ARID2: variants seen among roughly 807,000 people sequenced by gnomAD.
ARID2 encodes AT-rich interaction domain 2.
A neutral mutation model predicts 184.6 loss-of-function variants in ARID2; 32 were observed. The ratio of observed to expected loss-of-function variants is 0.17; its 90% CI spans 0.13 to 0.23. ARID2 has a LOEUF of 0.23. Among genes scored for constraint, ARID2 ranks in the 10% least tolerant of loss-of-function variants. ARID2 has a pLI of 1.00. For synonymous variants in ARID2, 836 were observed against 772.6 expected, an observed-to-expected ratio of 1.08 and a Z score of -1.36; for missense variants, 1,696 against 2,197.6, an observed-to-expected ratio of 0.77 and a Z score of 4.56.
intron 3 of ARID2, among the ~76,000 whole-genome samples, chr12:45,788,348 A>G (rs1470875898): frequency 6.6e-6 from 1 of 152,146 alleles, no homozygotes; most frequent in East Asian, 1.9e-4. Context: ...TGAGGATTAG[A>G]TAAATTATCA....
intron 20 of ARID2, among the ~76,000 whole-genome samples, chr12:45,897,684 G>A (rs913252894): frequency 1.3e-5 from 2 of 152,024 alleles, no homozygotes; most frequent in Non-Finnish European, 2.9e-5. Flanking sequence ...ACTCATAAGA[G>A]ACAAAAATTG....
chr12:45,882,803 G>C (rs1944126000), intron 16 of ARID2, among the ~76,000 whole-genome samples: 1 of 152,170 alleles, frequency 6.6e-6, no homozygotes, highest in African/African-American at 2.4e-5. Context: ...AACCAGAAGA[G>C]ATCTTCAGAG....
intron 4 of ARID2, among the ~76,000 whole-genome samples, chr12:45,817,105 C>T (rs1010515887): frequency 2.0e-5 from 3 of 152,168 alleles, no homozygotes; most frequent in Non-Finnish European, 2.9e-5. Context: ...GCATGTAATG[C>T]AGCACTTTGG....
At chr12:45,779,960 A>T (rs1443487348) in intron 3 of ARID2, among the ~76,000 whole-genome samples, 4 of 152,270 alleles carry the variant, frequency 2.6e-5, no homozygotes, top group Non-Finnish European at 5.9e-5. Flanking sequence ...ATATTGGATA[A>T]ATTGTCTAAC....
chr12:45,808,737 G>A (rs1293380038), intron 3 of ARID2, among the ~76,000 whole-genome samples: 2 of 92,452 alleles, frequency 2.2e-5, no homozygotes, highest in Non-Finnish European at 5.0e-5. Flanking sequence ...GTTTGCGTGC[G>A]TGTGTGTGTG....
chr12:45,897,050 C>G (rs899845708), intron 20 of ARID2, among the ~76,000 whole-genome samples: 2 of 152,114 alleles, frequency 1.3e-5, no homozygotes, highest in Admixed American at 1.3e-4. Flanking sequence ...CTAACATAAT[C>G]AAAACAGCGT....
chr12:45,760,806 GCTGGATC>G (rs1565585917), intron 3 of ARID2, among the ~76,000 whole-genome samples: 1 of 150,794 alleles, frequency 6.6e-6, no homozygotes, highest in Non-Finnish European at 1.5e-5. Flanking sequence ...TTTCAGCTTT[GCTGGATC>G]CTGGTTTTAT....
chr12:45,859,226 T>C (rs994197304), intron 15 of ARID2, among the ~76,000 whole-genome samples: 1 of 152,232 alleles, frequency 6.6e-6, no homozygotes, highest in African/African-American at 2.4e-5. Flanking sequence ...ACTGTACCTT[T>C]TCTATGTTTT....
intron 3 of ARID2, among the ~76,000 whole-genome samples, chr12:45,742,233 C>T (rs549366779): frequency 3.7e-4 from 57 of 152,288 alleles, no homozygotes; most frequent in Admixed American, 3.2e-3. Flanking sequence ...GCATATATGA[C>T]TGTGTTTTCA....
At chr12:45,811,188 G>A (rs1483888195) in intron 3 of ARID2, among the ~76,000 whole-genome samples, 1 of 150,000 alleles carries the variant, frequency 6.7e-6, no homozygotes, top group African/African-American at 2.5e-5. Context: ...CAGCCTGGGC[G>A]ACAGAGCGAG....
chr12:45,731,168 A>AT (rs1460643363), intron 2 of ARID2, 49 bp from the exon 3 acceptor site: 13 of 1,354,478 alleles, frequency 9.6e-6, no homozygotes, highest in Non-Finnish European at 1.4e-5. Context: ...TTAGGTTAAG[A>AT]TTTTCTTAGA....
intron 3 of ARID2, among the ~76,000 whole-genome samples, chr12:45,731,524 A>G (rs925850386): frequency 4.6e-5 from 7 of 152,206 alleles, no homozygotes; most frequent in African/African-American, 1.7e-4. Flanking sequence ...CATTTTTCAT[A>G]CAAAATCATT....
At chr12:45,875,575 T>A (rs541414390) in intron 16 of ARID2, among the ~76,000 whole-genome samples, 3 of 152,382 alleles carry the variant, frequency 2.0e-5, no homozygotes, top group South Asian at 2.1e-4. Context: ...AGATATCATC[T>A]TCTTCCAGTA....
chr12:45,839,433 T>C lies in ARID2; in HGVS notation c.1435T>C (p.Ser479Pro), dbSNP rs763846105. The C allele has an allele frequency of 2.5e-6, 4 of 1,614,042 alleles. No homozygotes were observed. In the African/African-American group the frequency reaches 4.0e-5, roughly 16 times the overall value. The change falls in exon 11 of 21, where the codon TCT becomes CCT. Residue 479 changes from serine to proline, a missense_variant. This residue lies in a region of ARID2 where 713 missense variants were observed against 824.4 expected (regional missense o/e 0.86). Coordinates refer to ENST00000334344, the MANE Select transcript of ARID2 (RefSeq NM_152641.4). ...CCCAAGTTCCAGTCATCAAATGTTA[T>C]CTGAAATTAGGCCACAAGCTATAGA... ...EHPSSSHQMLSEIRPQAIEQV... is the reference protein window; with the variant it reads ...EHPSSSHQMLPEIRPQAIEQV...
intron 3 of ARID2, among the ~76,000 whole-genome samples, chr12:45,754,152 T>C (rs1021095450): frequency 2.6e-5 from 4 of 152,198 alleles, no homozygotes; most frequent in Non-Finnish European, 4.4e-5. Context: ...TTGAATCTTA[T>C]AGAAGCATTT....
intron 3 of ARID2, among the ~76,000 whole-genome samples, chr12:45,736,289 G>A (rs966285096): frequency 3.3e-5 from 5 of 151,860 alleles, no homozygotes; most frequent in African/African-American, 4.8e-5. Context: ...CTCGGGAGGC[G>A]GAGCTTGCAG....
intron 3 of ARID2, among the ~76,000 whole-genome samples, chr12:45,795,715 C>T (rs1423627233): frequency 1.3e-5 from 2 of 152,096 alleles, no homozygotes. Flanking sequence ...GGATTATAGG[C>T]GTGAGCCCCC....
chr12:45,898,942 G>A (rs1254060452), intron 20 of ARID2, among the ~76,000 whole-genome samples: 1 of 151,686 alleles, frequency 6.6e-6, no homozygotes, highest in Non-Finnish European at 1.5e-5. Context: ...TATAGTGTGT[G>A]AATTATACCT....
At chr12:45,813,648 C>T (rs1942753954) in intron 4 of ARID2, among the ~76,000 whole-genome samples, 2 of 151,904 alleles carry the variant, frequency 1.3e-5, no homozygotes, top group Admixed American at 6.6e-5. Flanking sequence ...AAAAGCTGTT[C>T]TAAAATATTT....
Sources: gnomAD v4.1 joint callset for allele counts (sites outside exome capture counted in the v4.1 genomes callset) on GRCh38, gnomAD v4.1.1 for gene constraint, gnomAD v4.1.1 regional missense constraint, MANE v1.5 for transcripts, NCBI Gene and HGNC (gene_info 2026-07-23, HGNC 2026-07-21) for gene names.